Variants in HUNK observed in about 807,000 individuals in gnomAD.
HUNK encodes hormonally up-regulated neu tumor-associated kinase.
Under a neutral mutation model 61.0 loss-of-function variants are expected in HUNK, and 21 were observed. That is an observed-to-expected ratio of 0.34 (90% confidence interval 0.24 to 0.50). HUNK has a LOEUF of 0.50. Among genes scored for constraint, HUNK ranks in the 20% least tolerant of loss-of-function variants. The pLI is 0.98. For synonymous variants in HUNK, 371 were observed against 386.1 expected, an observed-to-expected ratio of 0.96 and a Z score of 0.46; for missense variants, 772 against 945.7, an observed-to-expected ratio of 0.82 and a Z score of 2.41.
At chr21:31,996,817 CCTT>C (rs1286475889) in intron 10 of HUNK, among the ~76,000 whole-genome samples, 1 of 152,222 alleles carries the variant, frequency 6.6e-6, no homozygotes, top group African/African-American at 2.4e-5. Context: ...TGCCTCCTGT[CCTT>C]CTATCTCCCA....
At chr21:31,921,154 CAAAAAAAAAAAAAAAA>C (rs751938845) in intron 1 of HUNK, among the ~76,000 whole-genome samples, 4 of 39,374 alleles carry the variant, frequency 1.0e-4, no homozygotes, top group Non-Finnish European at 1.5e-4. Context: ...GATTCCATCT[CAAAAAAAAAAAAAAAA>C]AAAAAAAAAA....
At chr21:31,979,308 G>C in intron 7 of HUNK, among the ~76,000 whole-genome samples, 1 of 151,514 alleles carries the variant, frequency 6.6e-6, no homozygotes, top group African/African-American at 2.4e-5. Flanking sequence ...TAGTAGAGAC[G>C]GGGTTTCACC....
At chr21:31,954,822 C>T (rs1019410645) in intron 4 of HUNK, among the ~76,000 whole-genome samples, 7 of 152,016 alleles carry the variant, frequency 4.6e-5, no homozygotes, top group Non-Finnish European at 1.5e-5. Flanking sequence ...TGCTCTGTTG[C>T]CCAAGCTGGA....
Position 31,873,947 on chromosome 21 carries a change from G to T in HUNK, c.261+12G>T. 1 of 1,486,648 alleles carries T rather than the reference G, an allele frequency of 6.7e-7. No homozygotes were observed. Among genetic ancestry groups the T allele is most frequent in the Non-Finnish European group, 8.9e-7 (1 of 1,118,100 alleles). The allele number at this position is 1,486,648 out of a possible 1,614,324, so 92.1% of individuals were successfully genotyped here. ...TGACCGGGGAGAAGGTGAGTCTCCC[G>T]GGCGCCGTGGGGCTGGGGCACAGGG... On this transcript the variant is annotated intron_variant, in intron 1 of 10. Coordinates refer to ENST00000270112, the MANE Select transcript of HUNK (RefSeq NM_014586.2). This position sits in a 1 kb window ranked among gnomAD's most constrained non-coding sequence, Gnocchi z 6.1.
chr21:31,983,589 GC>G lies in HUNK; in HGVS notation c.1242del (p.Lys415ArgfsTer58). ...GCTCTACCAGATAGAAAAGTACAGG[GC>G]CCCCAAGGAGTCCTATGAGGTGAGT... ...TRLYQIEKYR[A>X]PKESYEASLD... On this transcript the variant is annotated frameshift_variant, in exon 8 of 11. Coordinates refer to ENST00000270112, the MANE Select transcript of HUNK (RefSeq NM_014586.2). LOFTEE classifies it high-confidence loss of function. 6.2e-7 allele frequency: 1 copy of G among 1,613,506 alleles called. No homozygotes were observed.
chr21:31,975,504 G>C (rs1226865304), intron 7 of HUNK, among the ~76,000 whole-genome samples: 1 of 152,182 alleles, frequency 6.6e-6, no homozygotes, highest in Non-Finnish European at 1.5e-5. Flanking sequence ...GCTCTAACAG[G>C]GAGTCAGCCA....
intron 3 of HUNK, among the ~76,000 whole-genome samples, chr21:31,942,573 T>C (rs2052776236): frequency 6.6e-6 from 1 of 152,162 alleles, no homozygotes; most frequent in Non-Finnish European, 1.5e-5. Flanking sequence ...ATTATACACC[T>C]AAATCAGAGC....
intron 9 of HUNK, among the ~76,000 whole-genome samples, chr21:31,993,497 C>G (rs974642660): frequency 1.3e-5 from 2 of 152,194 alleles, no homozygotes; most frequent in African/African-American, 4.8e-5. Flanking sequence ...AAATGTATGA[C>G]AAAGGTGCAT....
chr21:31,985,404 T>A (rs898689018), intron 8 of HUNK, among the ~76,000 whole-genome samples: 2 of 152,204 alleles, frequency 1.3e-5, no homozygotes, highest in Non-Finnish European at 2.9e-5. Context: ...CACACTGGGC[T>A]CCTAGGCAGC....
chr21:31,874,445 C>T (rs1225693082), intron 1 of HUNK, among the ~76,000 whole-genome samples: 2 of 152,084 alleles, frequency 1.3e-5, no homozygotes, highest in Admixed American at 1.3e-4. Context: ...TGCATTCCTT[C>T]CCACCTGTGG....
At chr21:31,959,905 C>T (rs1022705095) in intron 5 of HUNK, among the ~76,000 whole-genome samples, 1 of 152,202 alleles carries the variant, frequency 6.6e-6, no homozygotes, top group Non-Finnish European at 1.5e-5. Context: ...CATACTGTCA[C>T]CTCAAGGGAG....
chr21:31,895,812 C>A (rs2052420947), intron 1 of HUNK, among the ~76,000 whole-genome samples: 1 of 152,166 alleles, frequency 6.6e-6, no homozygotes. Context: ...GAGGGCATTA[C>A]CTTGAACCTG....
chr21:31,949,207 T>C (rs1478137729), intron 4 of HUNK, among the ~76,000 whole-genome samples: 2 of 152,188 alleles, frequency 1.3e-5, no homozygotes, highest in Non-Finnish European at 2.9e-5. Flanking sequence ...GTGTGTGGTG[T>C]GCTGATGACG....
At chr21:31,987,056 A>G (rs902814934) in intron 8 of HUNK, among the ~76,000 whole-genome samples, 1 of 152,166 alleles carries the variant, frequency 6.6e-6, no homozygotes, top group Non-Finnish European at 1.5e-5. Flanking sequence ...TGCTCAATAA[A>G]TATTTGCTCA....
chr21:31,952,547 T>A (rs1438922728), intron 4 of HUNK, among the ~76,000 whole-genome samples: 3 of 152,182 alleles, frequency 2.0e-5, no homozygotes, highest in Non-Finnish European at 4.4e-5. Context: ...GAGCAGTGAC[T>A]CCATGTCTTT....
intron 6 of HUNK, among the ~76,000 whole-genome samples, chr21:31,971,182 G>A (rs1352710361): frequency 6.6e-6 from 1 of 152,072 alleles, no homozygotes; most frequent in African/African-American, 2.4e-5. Flanking sequence ...GGGATCAAGC[G>A]ATTCTCCTGC....
intron 6 of HUNK, among the ~76,000 whole-genome samples, chr21:31,973,569 G>T (rs1327209371): frequency 7.0e-6 from 1 of 142,422 alleles, no homozygotes; most frequent in Non-Finnish European, 1.6e-5. Context: ...TTGGATGATG[G>T]TGATGGTGGT....
In HUNK at chr21:31,920,717, C is replaced by T. The variant is rs114133179; in HGVS notation, c.262-3751C>T. On this transcript the variant is annotated intron_variant, in intron 1 of 10. Transcript: ENST00000270112. The stretch of plus-strand genomic sequence containing the variant: ...CTCCTGGGGGCTGAGAGCATCAGCC[C>T]GAGCTGACTTGAGGTAGTGCAGGCC... Among the ~76,000 whole-genome samples, 1,448 of 152,246 alleles carry T rather than the reference C, an allele frequency of 9.5e-3. 13 individuals are homozygous for T. Among genetic ancestry groups the T allele is most frequent in the African/African-American group, 0.033 (1,360 of 41,554 alleles).
chr21:31,905,304 C>T (rs1033653078), intron 1 of HUNK, among the ~76,000 whole-genome samples: 2 of 152,158 alleles, frequency 1.3e-5, no homozygotes, highest in African/African-American at 2.4e-5. Flanking sequence ...AGGCTCCAGA[C>T]GTAACCAGTC....
Sources: allele counts gnomAD v4.1 joint callset (sites outside exome capture counted in the v4.1 genomes callset), GRCh38; gene constraint gnomAD v4.1.1; non-coding constraint Gnocchi (gnomAD v3.1); transcripts MANE v1.5; gene names NCBI Gene and HGNC (gene_info 2026-07-23, HGNC 2026-07-21).